SLC39A10: variants seen among roughly 807,000 people sequenced by gnomAD.
SLC39A10 encodes the protein solute carrier family 39 member 10.
Under a neutral mutation model 65.1 loss-of-function variants are expected in SLC39A10, and 13 were observed. The observed-to-expected ratio is 0.20, with a 90% CI of 0.13 to 0.32. SLC39A10 has a LOEUF of 0.32. SLC39A10 is among the 10% of genes least tolerant of loss of function. The pLI is 1.00. For synonymous variants in SLC39A10, 321 were observed against 342.2 expected, an observed-to-expected ratio of 0.94 and a Z score of 0.68; for missense variants, 831 against 1,018.4, an observed-to-expected ratio of 0.82 and a Z score of 2.50.
intron 9 of SLC39A10, among the ~76,000 whole-genome samples, chr2:195,729,825 G>A (rs1692374566): frequency 6.6e-6 from 1 of 151,916 alleles, no homozygotes; most frequent in South Asian, 2.1e-4. Context: ...TTGAGACAGG[G>A]TCTCACTTTG....
intron 2 of SLC39A10, among the ~76,000 whole-genome samples, chr2:195,633,181 C>G (rs1688624231): frequency 6.6e-6 from 1 of 152,182 alleles, no homozygotes; most frequent in Non-Finnish European, 1.5e-5. Context: ...TTCTCTGACC[C>G]CTTCATGGGC....
rs1010416763 is a variant in SLC39A10 at position 195,735,767 on chromosome 2, GTTCT to G, written c.*731_*734del. 4 of 141,858 alleles carry G rather than the reference GTTCT, an allele frequency of 2.8e-5. No individual in the cohort carries two copies. Among genetic ancestry groups the G allele is most frequent in the Non-Finnish European group, 4.6e-5 (3 of 64,572 alleles). 8.8% of individuals were successfully genotyped at this position (141,858 alleles called of 1,614,324 possible). A position where few individuals can be genotyped will look rare whatever the true frequency, so the allele number is the denominator to read the frequency against. On this transcript the variant is annotated 3_prime_UTR_variant, in exon 10 of 10. Transcript: ENST00000359634. ...TTATTATAATACTTGGTGTTGGGGT[GTTCT>G]TTCTGTTTTGTTTTTTACTTTAATT... is the stretch of plus-strand genomic sequence containing the variant.
rs191686237 is a variant in SLC39A10, at chr2:195,733,617, G to A, written c.2338-1266G>A. ...GCAATCTTGGCTCACCGCAACCTCC[G>A]CCTCCTGGGTTCAAGCAGTTCTCCT... On this transcript the variant is annotated intron_variant, in intron 9 of 9. Coordinates refer to ENST00000359634, the MANE Select transcript of SLC39A10 (RefSeq NM_020342.3). Among the ~76,000 whole-genome samples, 535 of 151,960 alleles carry A rather than the reference G, an allele frequency of 3.5e-3. 5 individuals are homozygous for A. Among genetic ancestry groups the A allele is most frequent in the African/African-American group, 0.012 (500 of 41,456 alleles).
chr2:195,655,150 C>G (rs1689119796), upstream of SLC39A10, among the ~76,000 whole-genome samples: 1 of 152,090 alleles, frequency 6.6e-6, no homozygotes, highest in South Asian at 2.1e-4. Flanking sequence ...TCTATCTTAG[C>G]CAGGTATTAA....
intron 3 of SLC39A10, among the ~76,000 whole-genome samples, chr2:195,692,344 A>C (rs553042422): frequency 6.6e-6 from 1 of 152,148 alleles, no homozygotes; most frequent in South Asian, 2.1e-4. Flanking sequence ...TTTTGGTTCC[A>C]TATGAATTTT....
Position 195,680,907 on chromosome 2 carries a change from G to A in SLC39A10, c.865G>A (p.Asp289Asn), listed in dbSNP as rs367936669. Reference protein sequence around the residue: ...HVHLPERNGHDPGRGHQDLDP... With the variant: ...HVHLPERNGHNPGRGHQDLDP... ...ACATCTTCCAGAACGTAATGGTCAT[G>A]ATCCTGGTCGTGGACACCAAGATCT... The change falls in exon 2 of 10, where the codon GAT becomes AAT. Residue 289 changes from aspartate to asparagine, a missense_variant. This residue lies in a region of SLC39A10 where 446 missense variants were observed against 499.2 expected (regional missense o/e 0.89). Transcript: ENST00000359634. The A allele has an allele frequency of 5.6e-6, 9 of 1,614,106 alleles. No individual in the cohort carries two copies. The highest frequency in any genetic ancestry group is 7.6e-6 in the Non-Finnish European group (9 of 1,180,034).
At position 195,736,651 on chromosome 2, in the gene SLC39A10, A is replaced by G. The variant is rs1574330902; in HGVS notation, c.*1610A>G. ...ATTGCCAGTGTCTTTTCTGTATGCTATAAGCAAGGGAGCTTAGGTGTTATT... is the reference window on the plus strand; with the variant it reads ...ATTGCCAGTGTCTTTTCTGTATGCTGTAAGCAAGGGAGCTTAGGTGTTATT... On this transcript the variant is annotated 3_prime_UTR_variant, in exon 10 of 10. Coordinates refer to ENST00000359634, the MANE Select transcript of SLC39A10 (RefSeq NM_020342.3). The G allele has an allele frequency of 1.3e-5, 2 of 152,198 alleles. No individual in the cohort carries two copies. Among genetic ancestry groups the G allele is most frequent in the South Asian group, 2.1e-4 (1 of 4,830 alleles). The allele number at this position is 152,198 out of a possible 1,614,324, so 9.4% of individuals were successfully genotyped here.
Position 195,683,786 on chromosome 2 carries a change from G to A in SLC39A10, c.1096G>A (p.Ala366Thr), listed in dbSNP as rs1426150023. The A allele has an allele frequency of 6.2e-7, 1 of 1,613,044 alleles. No individual in the cohort carries two copies. Among genetic ancestry groups the A allele is most frequent in the Non-Finnish European group, 8.5e-7 (1 of 1,179,398 alleles). ...STDLFTYLCP[A>T]LLYQIDSRLC... ...TGATTTATTTACATACCTTTGCCCT[G>A]CATTGTTATATCAAATCGACAGCAG... Residue 366 changes from alanine to threonine, a missense_variant, in exon 3 of 10, where the codon GCA (alanine) becomes ACA (threonine). Ala to Thr is a moderately conservative substitution (Grantham distance 58). This residue lies in a region of SLC39A10 where 446 missense variants were observed against 499.2 expected (regional missense o/e 0.89). Coordinates refer to ENST00000359634, the MANE Select transcript of SLC39A10 (RefSeq NM_020342.3).
At chr2:195,646,973 C>T (rs893089316) in intron 2 of SLC39A10, among the ~76,000 whole-genome samples, 1 of 152,138 alleles carries the variant, frequency 6.6e-6, no homozygotes, top group African/African-American at 2.4e-5. Context: ...TAGCTTGTGG[C>T]TCCCTTTATT....
At chr2:195,631,678 T>C (rs1688588525) in intron 2 of SLC39A10, among the ~76,000 whole-genome samples, 1 of 152,176 alleles carries the variant, frequency 6.6e-6, no homozygotes, top group African/African-American at 2.4e-5. Context: ...TTTATAGATA[T>C]ACTGATCATT....
chr2:195,706,767 T>G lies in SLC39A10; in HGVS notation c.1368T>G (p.Leu456=), dbSNP rs144065127. ...TAGGAACAATGAGTGGAGACGCCCTTCTTCATCTACTGCCCCATGTAAGAA... is the reference window on the plus strand; with the variant it reads ...TAGGAACAATGAGTGGAGACGCCCTGCTTCATCTACTGCCCCATGTAAGAA... ...LAVGTMSGDA[L]LHLLPHSQGG... is the part of the protein sequence containing the mutation. Residue 456 remains leucine, a synonymous_variant, in exon 4 of 10, where the codon CTT becomes CTG. Transcript: ENST00000359634. The G allele has an allele frequency of 4.0e-5, 62 of 1,564,782 alleles. No homozygotes were observed. The African/African-American group carries it at 7.8e-4, about 20-fold the overall frequency.
intron 2 of SLC39A10, among the ~76,000 whole-genome samples, chr2:195,633,118 T>C (rs533113592): frequency 2.0e-5 from 3 of 152,378 alleles, no homozygotes; most frequent in African/African-American, 7.2e-5. Flanking sequence ...TTCTCTTCTA[T>C]TTCTCTGATG....
rs59122763 is a variant in SLC39A10, at chr2:195,614,899, T to A, written c.-12+8666T>A. ...CAAGACCCTGCTACAAAAAATAAAA[T>A]ATTAGCTGGACATGGTGGTGTGTGC... On this transcript the variant is annotated intron_variant, in intron 2 of 2. Coordinates refer to the SLC39A10 transcript ENST00000458054. 7.5e-3 allele frequency among the ~76,000 whole-genome samples: 1,136 copies of A among 151,992 alleles called. 17 individuals carry two copies. The highest frequency in any genetic ancestry group is 0.026 in the African/African-American group (1,067 of 41,450).
In SLC39A10 at chr2:195,618,034, C is replaced by T. The variant is rs189328934; in HGVS notation, c.-12+11801C>T. 7.5e-3 allele frequency among the ~76,000 whole-genome samples: 1,082 copies of T among 144,780 alleles called. 7 individuals carry two copies. Among genetic ancestry groups the T allele is most frequent in the South Asian group, 0.017 (75 of 4,326 alleles). The allele number at this position is 144,780 out of a possible 152,430, so 95.0% of individuals were successfully genotyped here. ...GATTACAGGCGTGAGCCACCTCGCC[C>T]GGCCTTGTCTCTATTTTAAAAAGAA... On this transcript the variant is annotated intron_variant, in intron 2 of 2. Coordinates refer to the SLC39A10 transcript ENST00000458054.
At chr2:195,646,136 G>A (rs1688908484) in intron 2 of SLC39A10, among the ~76,000 whole-genome samples, 1 of 152,024 alleles carries the variant, frequency 6.6e-6, no homozygotes, top group Admixed American at 6.6e-5. Flanking sequence ...TGTAGAGATG[G>A]GATTTTGCCG....
Position 195,680,901 on chromosome 2 carries a change from G to GGTCAT in SLC39A10, c.861_865dup (p.Asp289ValfsTer35). On this transcript the variant is annotated frameshift_variant, in exon 2 of 10. Coordinates refer to ENST00000359634, the MANE Select transcript of SLC39A10 (RefSeq NM_020342.3). LOFTEE classifies it high-confidence loss of function. ...TCATGTACATCTTCCAGAACGTAAT[G>GGTCAT]GTCATGATCCTGGTCGTGGACACCA... The GGTCAT allele has an allele frequency of 6.2e-7, 1 of 1,614,034 alleles. No individual in the cohort carries two copies. Among genetic ancestry groups the GGTCAT allele is most frequent in the Non-Finnish European group, 8.5e-7 (1 of 1,180,020 alleles).
At chr2:195,672,304 C>CT (rs1231038686) in intron 1 of SLC39A10, among the ~76,000 whole-genome samples, 1 of 151,822 alleles carries the variant, frequency 6.6e-6, no homozygotes. Flanking sequence ...TAATTTTTTA[C>CT]TTTTTTTGTA....
chr2:195,663,710 AAGAAAT>A (rs752425774), intron 1 of SLC39A10, among the ~76,000 whole-genome samples: 16 of 107,356 alleles, frequency 1.5e-4, no homozygotes, highest in Non-Finnish European at 3.5e-4. Context: ...ATGAAAAAAA[AAGAAAT>A]AAGAGAAAAG....
At chr2:195,662,640 C>G (rs1417831216) in intron 1 of SLC39A10, among the ~76,000 whole-genome samples, 3 of 152,130 alleles carry the variant, frequency 2.0e-5, no homozygotes, top group Admixed American at 1.3e-4. Context: ...CTTCCCACCT[C>G]TAGGCTTTTT....
Sources: allele counts gnomAD v4.1 joint callset (sites outside exome capture counted in the v4.1 genomes callset), GRCh38; gene constraint gnomAD v4.1.1; regional missense constraint gnomAD v4.1.1; transcripts MANE v1.5; gene names NCBI Gene and HGNC (gene_info 2026-07-23, HGNC 2026-07-21).